NELL1: variants seen among roughly 807,000 people sequenced by gnomAD.
NELL1 encodes the protein neural EGFL like 1.
A neutral mutation model predicts 107.4 loss-of-function variants in NELL1; 76 were observed. The observed-to-expected ratio is 0.71, with a 90% CI of 0.59 to 0.86. The LOEUF (loss-of-function observed/expected upper bound fraction) is 0.86. Among genes scored for constraint, NELL1 ranks in the 40% least tolerant of loss-of-function variants. NELL1 has a pLI of 0.00. For synonymous variants in NELL1, 353 were observed against 341.2 expected (o/e 1.03, Z -0.38); for missense variants, 1,024 against 1,005.5 (o/e 1.02, Z -0.25).
intron 14 of NELL1, among the ~76,000 whole-genome samples, chr11:21,360,827 T>C (rs1851059653): frequency 1.3e-5 from 2 of 152,210 alleles, no homozygotes; most frequent in Admixed American, 6.5e-5. Context: ...AATATCTTTA[T>C]CTGCTCCATT....
At chr11:20,880,827 C>T (rs1178163096) in intron 4 of NELL1, among the ~76,000 whole-genome samples, 2 of 152,112 alleles carry the variant, frequency 1.3e-5, no homozygotes, top group African/African-American at 2.4e-5. Context: ...GCTCTGTCCA[C>T]CCCTTAGCCC....
chr11:21,061,069 A>G (rs1008848381), intron 12 of NELL1, among the ~76,000 whole-genome samples: 5 of 152,120 alleles, frequency 3.3e-5, no homozygotes, highest in Non-Finnish European at 4.4e-5. Context: ...AGGGACTTTG[A>G]TATTGCAAAG....
At chr11:21,251,540 C>T (rs1180476562) in intron 14 of NELL1, among the ~76,000 whole-genome samples, 1 of 151,930 alleles carries the variant, frequency 6.6e-6, no homozygotes, top group Non-Finnish European at 1.5e-5. Flanking sequence ...CCCAGCCCCC[C>T]ACCTCCACCC....
chr11:20,746,901 T>A (rs1292811137), intron 2 of NELL1, among the ~76,000 whole-genome samples: 1 of 152,208 alleles, frequency 6.6e-6, no homozygotes, highest in African/African-American at 2.4e-5. Flanking sequence ...GCCATTCCCA[T>A]GGCTGAAGTT....
chr11:21,485,422 C>T (rs1217821365), intron 15 of NELL1, among the ~76,000 whole-genome samples: 2 of 149,736 alleles, frequency 1.3e-5, no homozygotes, highest in African/African-American at 2.5e-5. Flanking sequence ...AGTGGCAGGC[C>T]TCCAATCCTG....
At chr11:20,896,230 C>A (rs1849734853) in intron 5 of NELL1, among the ~76,000 whole-genome samples, 1 of 152,104 alleles carries the variant, frequency 6.6e-6, no homozygotes, top group African/African-American at 2.4e-5. Context: ...TGAGAACATA[C>A]AATATTTGGT....
chr11:21,566,861 A>C (rs1856985022), intron 17 of NELL1, among the ~76,000 whole-genome samples: 1 of 151,906 alleles, frequency 6.6e-6, no homozygotes, highest in Non-Finnish European at 1.5e-5. Context: ...CCTGTAATTC[A>C]AAGGCAAAGT....
At position 20,704,838 on chromosome 11, in the gene NELL1, A is replaced by G. The variant is rs574066425; in HGVS notation, c.184+26778A>G. On this transcript the variant is annotated intron_variant, in intron 2 of 19. Coordinates refer to ENST00000357134, the MANE Select transcript of NELL1 (RefSeq NM_006157.5). ...TGTCAAGATACAAAATCAATATGCAAAAATTCACAGACATTCTTATACACC... is the reference window on the plus strand; with the variant it reads ...TGTCAAGATACAAAATCAATATGCAGAAATTCACAGACATTCTTATACACC... Among the ~76,000 whole-genome samples, 8 of 152,358 alleles carry G rather than the reference A, an allele frequency of 5.3e-5. No individual in the cohort carries two copies. The East Asian group carries it at 1.3e-3, about 26-fold the overall frequency.
chr11:21,380,341 TA>T (rs1851580566), intron 15 of NELL1, among the ~76,000 whole-genome samples: 1 of 152,064 alleles, frequency 6.6e-6, no homozygotes, highest in Non-Finnish European at 1.5e-5. Context: ...AAAATTCTAT[TA>T]AAGTCAGGTA....
chr11:21,575,524 T>C lies in NELL1; in HGVS notation c.*502T>C, dbSNP rs574553889. The C allele has an allele frequency of 3.2e-5, 5 of 156,124 alleles. No individual in the cohort carries two copies. In the South Asian group the frequency reaches 9.7e-4, roughly 30 times the overall value. 9.7% of individuals were successfully genotyped at this position (156,124 alleles called of 1,614,324 possible). On this transcript the variant is annotated 3_prime_UTR_variant, in exon 20 of 20. Transcript: ENST00000357134. ...AAATGTTTTGATGAAAATATGTATG[T>C]AGAGTCCAGTCGCATTATACATACA...
intron 4 of NELL1, among the ~76,000 whole-genome samples, chr11:20,863,463 T>C (rs1414584936): frequency 6.4e-5 from 7 of 109,066 alleles, no homozygotes; most frequent in Non-Finnish European, 1.4e-4. Flanking sequence ...TCCTCACTTC[T>C]CAGACGGGGC....
intron 15 of NELL1, among the ~76,000 whole-genome samples, chr11:21,404,295 A>G (rs1343345785): frequency 6.6e-6 from 1 of 151,974 alleles, no homozygotes; most frequent in Non-Finnish European, 1.5e-5. Flanking sequence ...CACACTCAAA[A>G]TGAACTGGCT....
chr11:21,515,259 TAA>T (rs1411708318), intron 15 of NELL1, among the ~76,000 whole-genome samples: 2 of 152,184 alleles, frequency 1.3e-5, no homozygotes, highest in African/African-American at 4.8e-5. Flanking sequence ...GTCTTTGGCA[TAA>T]GTCATGGGAA....
At chr11:21,375,222 C>T (rs1261140715) in intron 15 of NELL1, among the ~76,000 whole-genome samples, 2 of 151,890 alleles carry the variant, frequency 1.3e-5, no homozygotes, top group Admixed American at 6.6e-5. Context: ...CCACTCTAGT[C>T]GTTCCCAGTT....
At position 20,828,612 on chromosome 11, in the gene NELL1, C is replaced by A. The variant is rs148604994; in HGVS notation, c.336-18971C>A. Among the ~76,000 whole-genome samples the A allele has an allele frequency of 2.7e-3, 418 of 152,260 alleles. 1 individual carries two copies. The highest frequency in any genetic ancestry group is 9.7e-3 in the African/African-American group (403 of 41,538). ...TTCCTCTTACCCAGTAATTCATGAT[C>A]TACTATATTCTGACTTCTGCCTGCC... On this transcript the variant is annotated intron_variant, in intron 3 of 19. Transcript: ENST00000357134.
intron 16 of NELL1, among the ~76,000 whole-genome samples, chr11:21,551,405 T>TTCTTGTCTTGTG: frequency 6.6e-6 from 1 of 152,074 alleles, no homozygotes; most frequent in South Asian, 2.1e-4. Flanking sequence ...AGAGAAGGCA[T>TTCTTGTCTTGTG]CCCTGTCTTG....
intron 12 of NELL1, among the ~76,000 whole-genome samples, chr11:21,095,315 C>T (rs1179286210): frequency 2.0e-5 from 3 of 152,150 alleles, no homozygotes; most frequent in Admixed American, 6.6e-5. Flanking sequence ...TCAACAGGTC[C>T]CTAGGAAGTT....
chr11:20,748,016 C>A (rs754483593), intron 2 of NELL1, among the ~76,000 whole-genome samples: 18 of 152,152 alleles, frequency 1.2e-4, no homozygotes, highest in Non-Finnish European at 2.2e-4. Context: ...ACTTTCTTTA[C>A]CCTTGCCATA....
At chr11:20,912,978 T>C (rs80053329) in intron 5 of NELL1, among the ~76,000 whole-genome samples, 5,496 of 152,304 alleles carry the variant, frequency 0.036, 170 homozygotes, top group East Asian at 0.16. Context: ...GGACAGCTAA[T>C]GATATGCTAA....
Sources: allele counts gnomAD v4.1 joint callset (sites outside exome capture counted in the v4.1 genomes callset), GRCh38; gene constraint gnomAD v4.1.1; transcripts MANE v1.5; gene names NCBI Gene and HGNC (gene_info 2026-07-23, HGNC 2026-07-21).